The following DIP2C variants were observed in gnomAD, a reference collection of about 807,000 sequenced individuals.
The protein encoded by DIP2C is disco-interacting protein 2 homolog C.
A neutral mutation model predicts 192.4 loss-of-function variants in DIP2C; 33 were observed. That is an observed-to-expected ratio of 0.17 (90% CI 0.13 to 0.23). The LOEUF is 0.23. Among genes scored for constraint, DIP2C ranks in the 10% least tolerant of loss-of-function variants. The pLI is 1.00. For missense variants in DIP2C, 1,537 were observed against 2,110.1 expected (o/e 0.73, Z 5.32); for synonymous variants, 979 against 864.1 (o/e 1.13, Z -2.33).
intron 6 of DIP2C, among the ~76,000 whole-genome samples, chr10:418,089 A>C (rs78327986): frequency 0.012 from 25 of 2,060 alleles, 5 homozygotes; most frequent in East Asian, 0.042. Flanking sequence ...GTCAGGCCTC[A>C]GATAGGCATC....
chr10:315,779 G>A lies in DIP2C; in HGVS notation c.3925-5687C>T, dbSNP rs566975816. On this transcript the variant is annotated intron_variant, in intron 31 of 36. Transcript: ENST00000280886. ...TTCTCTTGCCCCATTTTCTCTCACCGCTCCTTCTGGGGCTCCGATCACTAC... is the reference window on the plus strand; with the variant it reads ...TTCTCTTGCCCCATTTTCTCTCACCACTCCTTCTGGGGCTCCGATCACTAC... Among the ~76,000 whole-genome samples the A allele has an allele frequency of 7.4e-4, 112 of 152,098 alleles. 1 individual carries two copies. The highest frequency in any genetic ancestry group is 2.6e-3 in the African/African-American group (107 of 41,482).
At chr10:284,363 T>C (rs1484563622) in intron 34 of DIP2C, among the ~76,000 whole-genome samples, 3 of 152,220 alleles carry the variant, frequency 2.0e-5, no homozygotes, top group African/African-American at 7.2e-5. Flanking sequence ...ACAGCCGTCC[T>C]CTGTTCCCTA....
chr10:584,246 G>A (rs1269037329), intron 1 of DIP2C, among the ~76,000 whole-genome samples: 2 of 152,172 alleles, frequency 1.3e-5, no homozygotes, highest in Non-Finnish European at 2.9e-5. Flanking sequence ...AAAGTAACAG[G>A]AAAATTGTGA....
At chr10:299,659 T>C (rs1589421040) in intron 32 of DIP2C, among the ~76,000 whole-genome samples, 1 of 152,136 alleles carries the variant, frequency 6.6e-6, no homozygotes, top group African/African-American at 2.4e-5. Flanking sequence ...TAAAAGCTTC[T>C]GTTCATCAAA....
In DIP2C at chr10:688,612, G is replaced by C. The variant is rs528873477; in HGVS notation, c.85+882C>G. ...GAATGGCCTGACCAGGATGAGCCCAGAGACGGCTAAATGCACATCAAACAT... is the reference window on the plus strand; with the variant it reads ...GAATGGCCTGACCAGGATGAGCCCACAGACGGCTAAATGCACATCAAACAT... On this transcript the variant is annotated intron_variant, in intron 1 of 36. Coordinates refer to ENST00000280886, the MANE Select transcript of DIP2C (RefSeq NM_014974.3). Among the ~76,000 whole-genome samples the C allele has an allele frequency of 7.5e-4, 101 of 134,566 alleles. 1 individual carries two copies. The highest frequency in any genetic ancestry group is 2.7e-3 in the African/African-American group (98 of 36,502). The allele number at this position is 134,566 out of a possible 152,430, so 88.3% of individuals were successfully genotyped here.
At chr10:314,441 G>A (rs3132009) in intron 31 of DIP2C, among the ~76,000 whole-genome samples, 150,682 of 152,294 alleles carry the variant, frequency 0.99, 74,565 homozygotes, top group Middle Eastern at 1. Context: ...TTCCCTCCCC[G>A]GTCTCGTCAC....
chr10:585,161 GCTTGA>G (rs1564232979), intron 1 of DIP2C, among the ~76,000 whole-genome samples: 1 of 152,192 alleles, frequency 6.6e-6, no homozygotes, highest in Non-Finnish European at 1.5e-5. Context: ...CACAAAACAA[GCTTGA>G]CCTCTATGAG....
At chr10:654,486 C>T (rs1450508824) in intron 1 of DIP2C, among the ~76,000 whole-genome samples, 3 of 152,200 alleles carry the variant, frequency 2.0e-5, no homozygotes, top group African/African-American at 7.2e-5. Flanking sequence ...GTAGAGACGT[C>T]ATCAGTGTAT....
intron 1 of DIP2C, among the ~76,000 whole-genome samples, chr10:564,862 C>T (rs1418271306): frequency 6.6e-6 from 1 of 152,196 alleles, no homozygotes; most frequent in Non-Finnish European, 1.5e-5. Flanking sequence ...ATGTTCCCAA[C>T]CTGACTTCCT....
At chr10:427,361 A>G (rs1326256875) in intron 4 of DIP2C, among the ~76,000 whole-genome samples, 1 of 152,222 alleles carries the variant, frequency 6.6e-6, no homozygotes, top group Non-Finnish European at 1.5e-5. Flanking sequence ...CAAGATCTCT[A>G]TATTAATCAT....
chr10:515,053 T>C (rs1198142478), intron 1 of DIP2C, among the ~76,000 whole-genome samples: 1 of 152,192 alleles, frequency 6.6e-6, no homozygotes, highest in African/African-American at 2.4e-5. Flanking sequence ...AAAAACAAAT[T>C]GTTCCATAAT....
At chr10:302,646 T>G (rs927921545) in intron 32 of DIP2C, among the ~76,000 whole-genome samples, 2 of 152,182 alleles carry the variant, frequency 1.3e-5, no homozygotes, top group Non-Finnish European at 2.9e-5. Context: ...TGGGGTAGCC[T>G]CCTACGCTCC....
intron 1 of DIP2C, among the ~76,000 whole-genome samples, chr10:501,734 C>T (rs1383337100): frequency 6.6e-6 from 1 of 152,142 alleles, no homozygotes; most frequent in African/African-American, 2.4e-5. Context: ...AACACATAGG[C>T]ACCGCAATAT....
chr10:576,865 G>A lies in DIP2C; in HGVS notation c.86-90335C>T, dbSNP rs1339803376. On this transcript the variant is annotated intron_variant, in intron 1 of 36. Transcript: ENST00000280886. ...GAGGAGGTTGTAGTGAACCAAGATC[G>A]TACTGTTGTGCTCCACCCTTCCAGC... is the stretch of plus-strand genomic sequence containing the variant. Among the ~76,000 whole-genome samples the A allele has an allele frequency of 3.3e-5, 5 of 152,096 alleles. No homozygotes were observed. The South Asian group carries it at 6.2e-4, about 19-fold the overall frequency.
At chr10:581,833 C>G (rs929839887) in intron 1 of DIP2C, among the ~76,000 whole-genome samples, 8 of 152,102 alleles carry the variant, frequency 5.3e-5, no homozygotes, top group African/African-American at 1.7e-4. Context: ...AACTGAGGTC[C>G]GAGTCCAAAA....
intron 1 of DIP2C, among the ~76,000 whole-genome samples, chr10:501,308 G>A (rs1405911299): frequency 6.9e-6 from 1 of 144,376 alleles, no homozygotes; most frequent in Admixed American, 7.2e-5. Context: ...TTTATTAAGT[G>A]GCAATAATTA....
intron 10 of DIP2C, among the ~76,000 whole-genome samples, chr10:393,331 AAC>A (rs1238414706): frequency 8.5e-5 from 13 of 152,330 alleles, no homozygotes; most frequent in African/African-American, 2.6e-4. Flanking sequence ...CACCATAGCC[AAC>A]AGATTCTTTC....
intron 3 of DIP2C, among the ~76,000 whole-genome samples, chr10:459,969 T>A (rs766546740): frequency 6.8e-6 from 1 of 147,550 alleles, no homozygotes; most frequent in Admixed American, 6.8e-5. Context: ...CTTCCCACAG[T>A]CACATCAGGG....
chr10:679,472 ACCCCTGCTC>A (rs1831035657), intron 1 of DIP2C, among the ~76,000 whole-genome samples: 1 of 68,942 alleles, frequency 1.5e-5, no homozygotes, highest in Non-Finnish European at 2.6e-5. Flanking sequence ...TCCTCCCCAC[ACCCCTGCTC>A]CCCACACCCC....
Sources: gnomAD v4.1 joint callset for allele counts (sites outside exome capture counted in the v4.1 genomes callset) on GRCh38, gnomAD v4.1.1 for gene constraint, MANE v1.5 for transcripts, NCBI Gene and HGNC (gene_info 2026-07-23, HGNC 2026-07-21) for gene names.